The following DCC variants were observed in gnomAD, a reference collection of about 807,000 sequenced individuals.
The protein encoded by DCC is DCC netrin 1 receptor.
A neutral mutation model predicts 172.5 loss-of-function variants in DCC; 58 were observed. The ratio of observed to expected loss-of-function variants is 0.34; its 90% CI spans 0.27 to 0.42. DCC has a LOEUF of 0.42. Ranked by LOEUF, DCC falls within the 10% of genes least tolerant of loss-of-function variation. DCC has a pLI of 1.00. For missense variants in DCC, 1,740 were observed against 1,791.0 expected (o/e 0.97, Z 0.51); for synonymous variants, 709 against 644.5 (o/e 1.10, Z -1.52).
At chr18:52,904,028 AAG>A (rs2039845533) in intron 2 of DCC, among the ~76,000 whole-genome samples, 1 of 152,232 alleles carries the variant, frequency 6.6e-6, no homozygotes, top group Non-Finnish European at 1.5e-5. Flanking sequence ...CTAACTGAAA[AAG>A]AATAAAATTA....
chr18:52,349,369 G>C (rs891715284), intron 1 of DCC, among the ~76,000 whole-genome samples: 1 of 152,208 alleles, frequency 6.6e-6, no homozygotes, highest in Non-Finnish European at 1.5e-5. Context: ...TCTGCACCCA[G>C]AGTCCTCAAT....
At chr18:52,417,295 G>T (rs1987072989) in intron 1 of DCC, among the ~76,000 whole-genome samples, 1 of 152,128 alleles carries the variant, frequency 6.6e-6, no homozygotes, top group Non-Finnish European at 1.5e-5. Flanking sequence ...CTCTCTGGCT[G>T]CCCTTAACGT....
intron 1 of DCC, among the ~76,000 whole-genome samples, chr18:52,463,837 A>G (rs1206142860): frequency 6.6e-6 from 1 of 152,230 alleles, no homozygotes; most frequent in East Asian, 1.9e-4. Flanking sequence ...AAGTAGAGAT[A>G]TATACGTTGA....
At chr18:53,372,335 T>C (rs1599076585) in intron 15 of DCC, among the ~76,000 whole-genome samples, 1 of 152,080 alleles carries the variant, frequency 6.6e-6, no homozygotes, top group African/African-American at 2.4e-5. Context: ...CTGGAAGCCA[T>C]TATCCTAAGC....
intron 5 of DCC, among the ~76,000 whole-genome samples, chr18:53,059,126 A>C (rs181092435): frequency 1.3e-3 from 198 of 152,174 alleles, no homozygotes; most frequent in African/African-American, 4.1e-3. Context: ...CCTCTTATAA[A>C]ACCATCAGAT....
chr18:53,386,617 T>C (rs1035431128), intron 16 of DCC, among the ~76,000 whole-genome samples: 13 of 152,164 alleles, frequency 8.5e-5, no homozygotes, highest in African/African-American at 3.1e-4. Context: ...TGCATTAGGC[T>C]GAGTGACATA....
At chr18:52,813,599 T>C (rs1415533759) in intron 2 of DCC, among the ~76,000 whole-genome samples, 2 of 151,756 alleles carry the variant, frequency 1.3e-5, no homozygotes, top group Non-Finnish European at 2.9e-5. Context: ...GTGTGTCAGT[T>C]TGACTGGTAC....
chr18:52,859,809 C>T (rs748489267), intron 2 of DCC, among the ~76,000 whole-genome samples: 2 of 152,104 alleles, frequency 1.3e-5, no homozygotes, highest in African/African-American at 4.8e-5. Context: ...TGGTTTATTT[C>T]AGTTCCTACT....
chr18:53,433,706 A>G (rs1409578545), intron 21 of DCC, among the ~76,000 whole-genome samples: 1 of 152,134 alleles, frequency 6.6e-6, no homozygotes, highest in Non-Finnish European at 1.5e-5. Context: ...ACTTGTCCAC[A>G]TTTTTGTCAG....
chr18:53,408,549 T>C (rs1303851308), intron 19 of DCC, among the ~76,000 whole-genome samples: 2 of 152,144 alleles, frequency 1.3e-5, no homozygotes, highest in Non-Finnish European at 2.9e-5. Context: ...AAATTGATAT[T>C]CCATTGCATT....
chr18:53,340,897 G>C (rs1400574627), intron 15 of DCC, among the ~76,000 whole-genome samples: 3 of 152,114 alleles, frequency 2.0e-5, no homozygotes, highest in Admixed American at 6.6e-5. Flanking sequence ...TTTGTGATGA[G>C]AAGCCTGATT....
At chr18:53,023,634 G>T (rs556242345) in intron 5 of DCC, among the ~76,000 whole-genome samples, 2 of 152,028 alleles carry the variant, frequency 1.3e-5, no homozygotes, top group Non-Finnish European at 2.9e-5. Context: ...CTATATTTGA[G>T]AGATGCTTCT....
At chr18:52,753,101 C>G (rs1424366733) in intron 2 of DCC, among the ~76,000 whole-genome samples, 1 of 152,048 alleles carries the variant, frequency 6.6e-6, no homozygotes, top group East Asian at 1.9e-4. Flanking sequence ...ATAGATATCT[C>G]TTATATACCC....
At chr18:52,458,463 T>C (rs964299640) in intron 1 of DCC, among the ~76,000 whole-genome samples, 2 of 152,144 alleles carry the variant, frequency 1.3e-5, no homozygotes, top group Non-Finnish European at 1.5e-5. Flanking sequence ...AGCTATTAGG[T>C]TTTGTTATCA....
chr18:52,508,836 A>G (rs1291307507), intron 1 of DCC, among the ~76,000 whole-genome samples: 1 of 152,244 alleles, frequency 6.6e-6, no homozygotes, highest in African/African-American at 2.4e-5. Context: ...TTACAGATGA[A>G]AAAAGGCTAT....
At chr18:53,056,939 T>A (rs1454815209) in intron 5 of DCC, among the ~76,000 whole-genome samples, 1 of 151,992 alleles carries the variant, frequency 6.6e-6, no homozygotes, top group Non-Finnish European at 1.5e-5. Flanking sequence ...TGGTAATTCT[T>A]TGGAATATAG....
chr18:52,809,002 A>G (rs1400270271), intron 2 of DCC, among the ~76,000 whole-genome samples: 1 of 152,216 alleles, frequency 6.6e-6, no homozygotes, highest in African/African-American at 2.4e-5. Flanking sequence ...ACAAAAGCGT[A>G]TGCCTGGGTA....
intron 1 of DCC, among the ~76,000 whole-genome samples, chr18:52,591,785 T>TTA (rs2033805768): frequency 1.4e-5 from 2 of 138,378 alleles, no homozygotes; most frequent in African/African-American, 2.6e-5. Flanking sequence ...CTTTATTTAT[T>TTA]TCTTTTTTTT....
rs544890978 is a variant in DCC, at chr18:52,774,685, G to A, written c.412+22311G>A. On this transcript the variant is annotated intron_variant, in intron 2 of 28. Coordinates refer to ENST00000442544, the MANE Select transcript of DCC (RefSeq NM_005215.4). ...GCTCACCCCTCTAGGGGAGCATACA[G>A]TCGGGTCCTGGTTACTGCCTGTTTT... 5.3e-5 allele frequency among the ~76,000 whole-genome samples: 8 copies of A among 152,242 alleles called. No homozygotes were observed. The South Asian group carries it at 1.5e-3, about 28-fold the overall frequency.
Sources: allele counts gnomAD v4.1 joint callset (sites outside exome capture counted in the v4.1 genomes callset), GRCh38; gene constraint gnomAD v4.1.1; transcripts MANE v1.5; gene names NCBI Gene and HGNC (gene_info 2026-07-23, HGNC 2026-07-21).